The following GRM5 variants were observed in gnomAD, a reference collection of about 807,000 sequenced individuals.
GRM5 encodes the protein metabotropic glutamate receptor 5.
In GRM5, 19 loss-of-function variants were observed where a neutral mutation model predicts 83.1. The ratio of observed to expected loss-of-function variants is 0.23; its 90% CI spans 0.16 to 0.34. The LOEUF is 0.34. Ranked by LOEUF, GRM5 falls within the 10% of genes least tolerant of loss-of-function variation. The probability of loss-of-function intolerance (pLI) is 1.00; values close to 1 mark genes in which losing one functional copy is unlikely to be tolerated. For missense variants in GRM5, 1,160 were observed against 1,588.3 expected, an observed-to-expected ratio of 0.73 and a Z score of 4.58; for synonymous variants, 675 against 633.6, an observed-to-expected ratio of 1.07 and a Z score of -0.98.
In GRM5 at chr11:88,870,066, C is replaced by T. The variant is rs535098702; in HGVS notation, c.662-19911G>A. Among the ~76,000 whole-genome samples, 20 of 151,410 alleles carry T rather than the reference C, an allele frequency of 1.3e-4. No homozygotes were observed. In the Middle Eastern group the frequency reaches 0.01, roughly 77 times the overall value. Reference sequence around the variant, plus strand: ...AGAACTTTAGTTAGGCCACAAAGAACGGGTAGAAAAGAAGAAATACTTCAC... The same window carrying T: ...AGAACTTTAGTTAGGCCACAAAGAATGGGTAGAAAAGAAGAAATACTTCAC... On this transcript the variant is annotated intron_variant, in intron 2 of 9. Coordinates refer to ENST00000305447, the MANE Select transcript of GRM5 (RefSeq NM_001143831.3).
At chr11:88,812,071 C>T (rs1320583050) in intron 3 of GRM5, among the ~76,000 whole-genome samples, 1 of 152,134 alleles carries the variant, frequency 6.6e-6, no homozygotes. Flanking sequence ...AAGTTAATTT[C>T]CCTTGCTTCG....
chr11:88,685,781 G>A (rs1483293376), intron 3 of GRM5, among the ~76,000 whole-genome samples: 1 of 152,194 alleles, frequency 6.6e-6, no homozygotes, highest in Non-Finnish European at 1.5e-5. Flanking sequence ...GCTTCCATGT[G>A]GTGTTGAGAC....
At chr11:88,989,637 A>C (rs1356020542) in intron 2 of GRM5, among the ~76,000 whole-genome samples, 2 of 139,512 alleles carry the variant, frequency 1.4e-5, no homozygotes, top group African/African-American at 5.6e-5. Flanking sequence ...CAAATGTAAA[A>C]GAACAGAAAT....
At chr11:88,859,681 C>T (rs888487288) in intron 2 of GRM5, among the ~76,000 whole-genome samples, 4 of 152,128 alleles carry the variant, frequency 2.6e-5, no homozygotes, top group Admixed American at 6.6e-5. Flanking sequence ...TATTGTTACT[C>T]TTAAGACACT....
intron 2 of GRM5, among the ~76,000 whole-genome samples, chr11:88,938,173 T>C (rs182387469): frequency 1.3e-5 from 2 of 151,724 alleles, no homozygotes; most frequent in Non-Finnish European, 3.0e-5. Flanking sequence ...ACTAAATACA[T>C]AAAATTTTAT....
chr11:88,574,211 C>A (rs1943059581), intron 7 of GRM5, among the ~76,000 whole-genome samples: 1 of 152,118 alleles, frequency 6.6e-6, no homozygotes, highest in African/African-American at 2.4e-5. Context: ...GTTAATATAG[C>A]ATTTTACAAA....
intron 4 of GRM5, among the ~76,000 whole-genome samples, chr11:88,607,691 C>T (rs547762121): frequency 1.6e-3 from 243 of 152,312 alleles, no homozygotes; most frequent in African/African-American, 5.7e-3. Flanking sequence ...ATACTCTTCT[C>T]GTAAATTATT....
At chr11:88,609,650 T>C (rs1014929457) in intron 4 of GRM5, among the ~76,000 whole-genome samples, 1 of 152,200 alleles carries the variant, frequency 6.6e-6, no homozygotes, top group Non-Finnish European at 1.5e-5. Flanking sequence ...GTTGGATACA[T>C]AGTTTAGAAA....
intron 1 of GRM5, among the ~76,000 whole-genome samples, chr11:89,055,387 C>T (rs1364274947): frequency 2.6e-5 from 4 of 152,294 alleles, no homozygotes; most frequent in African/African-American, 4.8e-5. Context: ...TTACCATATC[C>T]CTCACCTGGC....
At chr11:88,854,936 T>A (rs1944447304) in intron 2 of GRM5, among the ~76,000 whole-genome samples, 1 of 151,974 alleles carries the variant, frequency 6.6e-6, no homozygotes, top group Non-Finnish European at 1.5e-5. Flanking sequence ...ACAAATTCAA[T>A]ATCATTAACA....
Position 89,035,374 on chromosome 11 carries a change from T to C in GRM5, c.661+11838A>G, listed in dbSNP as rs1375961716. ...CTATCATATGTAATTCAGTAATATA[T>C]TTTTCATTAACAAAAATGGCACTCT... On this transcript the variant is annotated intron_variant, in intron 2 of 9. Coordinates refer to ENST00000305447, the MANE Select transcript of GRM5 (RefSeq NM_001143831.3). 2.6e-5 allele frequency among the ~76,000 whole-genome samples: 4 copies of C among 152,036 alleles called. No homozygotes were observed. In the South Asian group the frequency reaches 8.3e-4, roughly 32 times the overall value.
chr11:88,910,691 T>C (rs1480598459), intron 2 of GRM5, among the ~76,000 whole-genome samples: 1 of 152,108 alleles, frequency 6.6e-6, no homozygotes, highest in Non-Finnish European at 1.5e-5. Context: ...ATATCCTATA[T>C]GGTTTGAATC....
intron 4 of GRM5, among the ~76,000 whole-genome samples, chr11:88,632,888 T>A (rs956418355): frequency 6.6e-6 from 1 of 152,226 alleles, no homozygotes; most frequent in African/African-American, 2.4e-5. Flanking sequence ...AATAAGTGCA[T>A]AGTGTTATCT....
At chr11:88,750,548 T>A (rs888165836) in intron 3 of GRM5, among the ~76,000 whole-genome samples, 1 of 152,160 alleles carries the variant, frequency 6.6e-6, no homozygotes, top group African/African-American at 2.4e-5. Flanking sequence ...TTAACAAAGA[T>A]ATGCAGGATC....
chr11:88,697,133 C>G (rs1591447272), intron 3 of GRM5, among the ~76,000 whole-genome samples: 1 of 152,232 alleles, frequency 6.6e-6, no homozygotes, highest in East Asian at 1.9e-4. Context: ...AAATGTTCAT[C>G]ATGGAATTAG....
At chr11:88,775,562 C>G (rs749508693) in intron 3 of GRM5, among the ~76,000 whole-genome samples, 65 of 152,104 alleles carry the variant, frequency 4.3e-4, no homozygotes, top group Non-Finnish European at 6.6e-4. Context: ...TTCCTGCTTT[C>G]TCTTGTGGGC....
intron 8 of GRM5, among the ~76,000 whole-genome samples, chr11:88,551,216 G>T (rs1413779579): frequency 6.6e-6 from 1 of 152,152 alleles, no homozygotes; most frequent in Non-Finnish European, 1.5e-5. Context: ...AATGCTCATT[G>T]AAGTTAGTTA....
At chr11:88,559,084 A>C (rs531566622) in intron 8 of GRM5, among the ~76,000 whole-genome samples, 4 of 152,256 alleles carry the variant, frequency 2.6e-5, no homozygotes, top group African/African-American at 9.6e-5. Context: ...GTCAGATTTT[A>C]TTCTCATAAA....
At chr11:88,735,913 TATTA>T (rs954081400) in intron 3 of GRM5, among the ~76,000 whole-genome samples, 8 of 151,996 alleles carry the variant, frequency 5.3e-5, no homozygotes, top group African/African-American at 1.9e-4. Context: ...AAGATATAAT[TATTA>T]ATTATTTCTA....
Sources: gnomAD v4.1 joint callset for allele counts (sites outside exome capture counted in the v4.1 genomes callset) on GRCh38, gnomAD v4.1.1 for gene constraint, MANE v1.5 for transcripts, NCBI Gene and HGNC (gene_info 2026-07-23, HGNC 2026-07-21) for gene names.